The following FBLN1 variants were observed in gnomAD, a reference collection of about 807,000 sequenced individuals.
The protein encoded by FBLN1 is fibulin-1.
Under a neutral mutation model 89.7 loss-of-function variants are expected in FBLN1, and 34 were observed. The ratio of observed to expected loss-of-function variants is 0.38; its 90% CI spans 0.29 to 0.50. The LOEUF (loss-of-function observed/expected upper bound fraction) is 0.50, where lower values mean the gene tolerates loss of function less well. Ranked by LOEUF, FBLN1 falls within the 20% of genes least tolerant of loss-of-function variation. The pLI, the probability that FBLN1 is intolerant of heterozygous loss-of-function variation, is 0.92. For synonymous variants in FBLN1, 393 were observed against 391.3 expected (o/e 1.00, Z -0.05); for missense variants, 777 against 988.1 (o/e 0.79, Z 2.86).
intron 14 of FBLN1, among the ~76,000 whole-genome samples, chr22:45,552,312 C>T (rs2088714532): frequency 1.3e-5 from 2 of 152,160 alleles, no homozygotes; most frequent in Non-Finnish European, 2.9e-5. Context: ...AGTATGGACA[C>T]ATGTGCGGTG....
chr22:45,533,622 G>A (rs2088439922), intron 6 of FBLN1, 139 bp from the exon 7 acceptor site: 1 of 917,238 alleles, frequency 1.1e-6, no homozygotes, highest in Admixed American at 1.8e-5. Flanking sequence ...CAGCCCGGAT[G>A]TGCACATGGT....
intron 14 of FBLN1, among the ~76,000 whole-genome samples, chr22:45,571,662 G>A (rs1293425553): frequency 6.6e-6 from 1 of 152,208 alleles, no homozygotes; most frequent in Non-Finnish European, 1.5e-5. Flanking sequence ...TTGTAATACA[G>A]AAGAGATTAA....
chr22:45,541,511 A>C, intron 9 of FBLN1, 139 bp downstream of exon 9: 1 of 1,085,820 alleles, frequency 9.2e-7, no homozygotes, highest in East Asian at 2.6e-5. Flanking sequence ...TCAGTTCCCA[A>C]GCATGGGGCT....
At chr22:45,560,076 A>G (rs1555958830) in intron 14 of FBLN1, among the ~76,000 whole-genome samples, 1 of 152,096 alleles carries the variant, frequency 6.6e-6, no homozygotes, top group Non-Finnish European at 1.5e-5. Flanking sequence ...CACTTCTAGG[A>G]ACACTGTGAT....
Position 45,528,022 on chromosome 22 carries a change from C to T in FBLN1, c.484+13C>T. ...CTCCAAGAAACGGGTAACTTTCCCC[C>T]TTCCTTCCCTAATGAGCAGTGTATT... On this transcript the variant is annotated intron_variant, in intron 4 of 16. Coordinates refer to ENST00000327858, the MANE Select transcript of FBLN1 (RefSeq NM_006486.3). 6.2e-7 allele frequency: 1 copy of T among 1,613,908 alleles called. No homozygotes were observed. Among genetic ancestry groups the T allele is most frequent in the African/African-American group, 1.3e-5 (1 of 75,052 alleles).
rs1174370977 is a variant in FBLN1 at position 45,597,913 on chromosome 22, A to T, written c.1973-2394A>T. Among the ~76,000 whole-genome samples the T allele has an allele frequency of 1.3e-5, 2 of 152,110 alleles. No homozygotes were observed. Among genetic ancestry groups the T allele is most frequent in the Non-Finnish European group, 2.9e-5 (2 of 68,000 alleles). ...CGAAAGGGGGGAACGTTGTGCCCAG[A>T]TTCTCTTTCTGAGCGTGAACTTGAT... On this transcript the variant is annotated intron_variant, in intron 16 of 16. Transcript: ENST00000327858. The surrounding 1 kb of genome is among the most constrained non-coding windows in gnomAD (Gnocchi z 4.2).
At chr22:45,503,651 A>T (rs1275339149) in intron 1 of FBLN1, among the ~76,000 whole-genome samples, 1 of 152,110 alleles carries the variant, frequency 6.6e-6, no homozygotes, top group Non-Finnish European at 1.5e-5. Flanking sequence ...CGTAGCTGGG[A>T]GGATGGAGGG....
intron 10 of FBLN1, among the ~76,000 whole-genome samples, 193 bp from the exon 11 acceptor site, chr22:45,543,208 G>A (rs998960682): frequency 6.6e-6 from 1 of 152,204 alleles, no homozygotes; most frequent in African/African-American, 2.4e-5. Context: ...GGAGGTTGCA[G>A]TGAGCTGAGA....
At chr22:45,509,375 C>T (rs758179616) in intron 1 of FBLN1, among the ~76,000 whole-genome samples, 24 of 152,328 alleles carry the variant, frequency 1.6e-4, no homozygotes, top group South Asian at 4.1e-4. Flanking sequence ...CTCCTCCCGG[C>T]TGGTTCACCA....
chr22:45,533,749 G>C lies in FBLN1; in HGVS notation c.647-12G>C, dbSNP rs545434511. On this transcript the variant is annotated splice_polypyrimidine_tract_variant and intron_variant, in intron 6 of 16. Coordinates refer to ENST00000327858, the MANE Select transcript of FBLN1 (RefSeq NM_006486.3). ...TTGCTGGTCACCCCCGCACTGCCTC[G>C]GTCTCTCCTAGATGTCAATGAATGC... 4 of 1,609,864 alleles carry C rather than the reference G, an allele frequency of 2.5e-6. No homozygotes were observed. The Admixed American group carries it at 5.0e-5, about 20-fold the overall frequency.
At chr22:45,527,458 C>T (rs993999820) in intron 3 of FBLN1, among the ~76,000 whole-genome samples, 3 of 152,098 alleles carry the variant, frequency 2.0e-5, no homozygotes, top group African/African-American at 4.8e-5. Context: ...AAATCTCAGA[C>T]CATGCAAAAG....
intron 1 of FBLN1, among the ~76,000 whole-genome samples, chr22:45,504,956 T>C (rs2087998634): frequency 6.6e-6 from 1 of 152,222 alleles, no homozygotes. Context: ...GGCCCCTATC[T>C]GCAGCTGTGA....
chr22:45,599,556 G>A (rs921690881), intron 16 of FBLN1, among the ~76,000 whole-genome samples: 29 of 152,110 alleles, frequency 1.9e-4, no homozygotes, highest in African/African-American at 6.8e-4. Context: ...ACAGGGGGTT[G>A]GAAGGAGGGA....
At position 45,503,017 on chromosome 22, in the gene FBLN1, C is replaced by A. The variant is rs1017133697; in HGVS notation, c.32C>A (p.Pro11Gln). ...CGCGCCGCGCCGTCGCGCCGGGTCC[C>A]GCTTCCGCTGCTGCTGCTCGGCGGC... Reference protein sequence around the residue: MERAAPSRRVPLPLLLLGGLA... With the variant: MERAAPSRRVQLPLLLLGGLA... Residue 11 changes from proline to glutamine, a missense_variant, in exon 1 of 17, where the codon CCG becomes CAG. Transcript: ENST00000327858. 3 of 1,247,254 alleles carry A rather than the reference C, an allele frequency of 2.4e-6. No individual in the cohort carries two copies. Among genetic ancestry groups the A allele is most frequent in the African/African-American group, 3.1e-5 (2 of 63,924 alleles). 77.3% of individuals were successfully genotyped at this position (1,247,254 alleles called of 1,614,324 possible). A position where few individuals can be genotyped will look rare whatever the true frequency, so the allele number is the denominator to read the frequency against.
Position 45,600,418 on chromosome 22 carries a change from A to G in FBLN1, c.2084A>G (p.His695Arg), listed in dbSNP as rs13268. ...TCCCACCGAAATGTTGTCAACGTCCACATCTTCGTCTCTGAGTACTGGTTC... is the reference window on the plus strand; with the variant it reads ...TCCCACCGAAATGTTGTCAACGTCCGCATCTTCGTCTCTGAGTACTGGTTC... ...VVSHRNVVNV[H>R]IFVSEYWF The change falls in exon 17 of 17, where the codon CAC becomes CGC. Residue 695 changes from histidine (H) to arginine (R), a missense_variant. Physicochemically the swap from His to Arg is conservative, Grantham distance 29 (BLOSUM62 0). Coordinates refer to ENST00000327858, the MANE Select transcript of FBLN1 (RefSeq NM_006486.3). The G allele has an allele frequency of 0.022, 34,818 of 1,614,136 alleles. 487 individuals carry two copies. The highest frequency in any genetic ancestry group is 0.025 in the Non-Finnish European group (29,428 of 1,179,990).
In FBLN1 at chr22:45,590,140, AAG is replaced by A. The variant is rs995716242; in HGVS notation, c.1973-10162_1973-10161del. On this transcript the variant is annotated intron_variant, in intron 16 of 16. Transcript: ENST00000327858. The surrounding 1 kb of genome is among the most constrained non-coding windows in gnomAD (Gnocchi z 4.1). The stretch of plus-strand genomic sequence containing the variant: ...AGTGCTCTGTGCTTGTCAGATAGAG[AAG>A]AGAGGGCTCTGCTCTGACCTGCAGG... 1.8e-4 allele frequency among the ~76,000 whole-genome samples: 27 copies of A among 152,248 alleles called. No individual in the cohort carries two copies. The highest frequency in any genetic ancestry group is 5.8e-4 in the African/African-American group (24 of 41,550).
chr22:45,555,041 AGGACCCG>A (rs2088763094), intron 14 of FBLN1, among the ~76,000 whole-genome samples: 1 of 140,682 alleles, frequency 7.1e-6, no homozygotes, highest in Non-Finnish European at 1.5e-5. Context: ...GCAGGAGGTT[AGGACCCG>A]TCCCCGTCTC....
At chr22:45,570,350 GAAAAGAAAAAAAAAAGA>G (rs1569260982) in intron 14 of FBLN1, among the ~76,000 whole-genome samples, 1 of 69,224 alleles carries the variant, frequency 1.4e-5, no homozygotes, top group African/African-American at 6.1e-5. Flanking sequence ...GAAAAGAAAA[GAAAAGAAAAAAAAAAGA>G]AAAAGAAAAA....
intron 14 of FBLN1, among the ~76,000 whole-genome samples, chr22:45,566,747 T>A (rs187791763): frequency 1.3e-5 from 2 of 152,240 alleles, no homozygotes; most frequent in Admixed American, 1.3e-4. Flanking sequence ...GGGATGAAGA[T>A]TCAGAGAGTT....
Sources: allele counts gnomAD v4.1 joint callset (sites outside exome capture counted in the v4.1 genomes callset), GRCh38; gene constraint gnomAD v4.1.1; non-coding constraint Gnocchi (gnomAD v3.1); transcripts MANE v1.5; gene names NCBI Gene and HGNC (gene_info 2026-07-23, HGNC 2026-07-21).